Variants in NKAIN2 observed in about 807,000 individuals in gnomAD.
The protein encoded by NKAIN2 is sodium/potassium-transporting ATPase subunit beta-1-interacting protein 2.
NKAIN2 carries 14 observed loss-of-function variants against 32.6 expected under a neutral mutation model. The ratio of observed to expected loss-of-function variants is 0.43; its 90% confidence interval spans 0.28 to 0.67. The LOEUF (loss-of-function observed/expected upper bound fraction) is 0.67, where lower values mean the gene tolerates loss of function less well. Among genes scored for constraint, NKAIN2 ranks in the 30% least tolerant of loss-of-function variants. The pLI is 0.17. For missense variants in NKAIN2, 198 were observed against 258.3 expected (o/e 0.77, Z 1.60); for synonymous variants, 80 against 87.2 (o/e 0.92, Z 0.46).
intron 4 of NKAIN2, among the ~76,000 whole-genome samples, chr6:124,734,089 AC>A (rs1776820208): frequency 6.6e-6 from 1 of 151,362 alleles, no homozygotes. Context: ...ACACACACAC[AC>A]ACAATGATGG....
intron 1 of NKAIN2, among the ~76,000 whole-genome samples, chr6:123,884,157 T>C (rs1222984831): frequency 2.0e-5 from 3 of 152,044 alleles, no homozygotes; most frequent in African/African-American, 7.2e-5. Context: ...TTTCCCTCTA[T>C]GTGTCCATGT....
chr6:123,985,051 G>T (rs932312154), intron 1 of NKAIN2, among the ~76,000 whole-genome samples: 1 of 152,028 alleles, frequency 6.6e-6, no homozygotes, highest in African/African-American at 2.4e-5. Context: ...AAACGTACAG[G>T]TGAGCAATGA....
intron 4 of NKAIN2, among the ~76,000 whole-genome samples, chr6:124,730,993 A>T (rs1776636886): frequency 1.4e-5 from 2 of 142,118 alleles, no homozygotes; most frequent in Non-Finnish European, 3.1e-5. Context: ...GAGAAATGCA[A>T]ATCAAAACCA....
intron 3 of NKAIN2, among the ~76,000 whole-genome samples, chr6:124,538,975 A>G (rs751683833): frequency 1.2e-4 from 18 of 152,098 alleles, no homozygotes; most frequent in Non-Finnish European, 1.8e-4. Context: ...TCCTTCATCT[A>G]TCACATCAAA....
chr6:124,287,128 C>T (rs1361189894), intron 2 of NKAIN2, among the ~76,000 whole-genome samples: 1 of 152,182 alleles, frequency 6.6e-6, no homozygotes, highest in African/African-American at 2.4e-5. Flanking sequence ...TATCTTATTA[C>T]AGTTAACTCT....
intron 1 of NKAIN2, among the ~76,000 whole-genome samples, chr6:124,000,465 G>T (rs1779833112): frequency 6.6e-6 from 1 of 152,022 alleles, no homozygotes; most frequent in South Asian, 2.1e-4. Flanking sequence ...GTAAGAGTTT[G>T]AGAACTAACC....
chr6:123,899,024 A>T (rs1774428728), intron 1 of NKAIN2, among the ~76,000 whole-genome samples: 1 of 152,210 alleles, frequency 6.6e-6, no homozygotes, highest in Non-Finnish European at 1.5e-5. Flanking sequence ...ATGTGCACAG[A>T]GGTGGGTCAA....
At chr6:123,898,200 G>A (rs776298940) in intron 1 of NKAIN2, among the ~76,000 whole-genome samples, 23 of 152,156 alleles carry the variant, frequency 1.5e-4, no homozygotes, top group Non-Finnish European at 2.9e-4. Flanking sequence ...TTCCTTCACA[G>A]CCATATCATC....
chr6:124,134,300 A>G (rs116625294), intron 1 of NKAIN2, among the ~76,000 whole-genome samples: 1,670 of 152,256 alleles, frequency 0.011, 36 homozygotes, highest in African/African-American at 0.037. Context: ...AGAACTTCAG[A>G]GCTTGAAGAC....
chr6:124,731,842 A>T (rs886071610), intron 4 of NKAIN2, among the ~76,000 whole-genome samples: 2 of 152,112 alleles, frequency 1.3e-5, no homozygotes, highest in Non-Finnish European at 2.9e-5. Context: ...TCTACATAAC[A>T]ATCTAAATAT....
At chr6:124,207,569 T>C (rs1790958619) in intron 1 of NKAIN2, among the ~76,000 whole-genome samples, 1 of 151,626 alleles carries the variant, frequency 6.6e-6, no homozygotes, top group South Asian at 2.1e-4. Flanking sequence ...GGCAGGTCTT[T>C]TTGTTTAAAT....
chr6:124,109,624 G>T (rs1785278178), intron 1 of NKAIN2, among the ~76,000 whole-genome samples: 1 of 151,964 alleles, frequency 6.6e-6, no homozygotes, highest in Admixed American at 6.6e-5. Flanking sequence ...CAGTTGCTCT[G>T]GAGAGAACTT....
At chr6:124,073,711 C>T in intron 1 of NKAIN2, among the ~76,000 whole-genome samples, 1 of 151,966 alleles carries the variant, frequency 6.6e-6, no homozygotes, top group Non-Finnish European at 1.5e-5. Context: ...AAGACAAATC[C>T]CTCTGAACCT....
Position 124,365,951 on chromosome 6 carries a change from T to TA in NKAIN2, c.273+10614dup, listed in dbSNP as rs562347896. On this transcript the variant is annotated intron_variant, in intron 3 of 6. Transcript: ENST00000368417. ...AACTCAATAAAAATGAATTTATTGC[T>TA]AAAAAAAAAACTTGGTGGTGTGAAA... Among the ~76,000 whole-genome samples, 203 of 147,442 alleles carry TA rather than the reference T, an allele frequency of 1.4e-3. 1 individual carries two copies. The highest frequency in any genetic ancestry group is 3.7e-3 in the African/African-American group (151 of 40,362).
intron 1 of NKAIN2, among the ~76,000 whole-genome samples, chr6:124,023,655 T>C (rs1780973857): frequency 3.9e-5 from 6 of 152,212 alleles, no homozygotes. Context: ...TAGAGGACTT[T>C]TCCTTATTGC....
chr6:124,323,852 A>G (rs886763093), intron 2 of NKAIN2, among the ~76,000 whole-genome samples: 12 of 146,534 alleles, frequency 8.2e-5, no homozygotes, highest in Non-Finnish European at 1.6e-4. Context: ...CAGTGGCACA[A>G]TCTCGGCTCA....
chr6:123,934,812 A>G (rs1776424888), intron 1 of NKAIN2, among the ~76,000 whole-genome samples: 2 of 152,006 alleles, frequency 1.3e-5, no homozygotes, highest in Admixed American at 1.3e-4. Flanking sequence ...AAATAAAATT[A>G]GTAAAATTCA....
intron 3 of NKAIN2, among the ~76,000 whole-genome samples, chr6:124,622,251 C>G (rs1485826120): frequency 6.6e-6 from 1 of 152,152 alleles, no homozygotes. Context: ...TTCTCTTCTT[C>G]CGGTTTTTAT....
intron 1 of NKAIN2, among the ~76,000 whole-genome samples, chr6:123,961,887 A>G (rs1188873138): frequency 6.6e-6 from 1 of 152,206 alleles, no homozygotes; most frequent in Admixed American, 6.5e-5. Flanking sequence ...GAAATATCAG[A>G]GATAAATTTA....
Sources: gnomAD v4.1 joint callset for allele counts (sites outside exome capture counted in the v4.1 genomes callset) on GRCh38, gnomAD v4.1.1 for gene constraint, MANE v1.5 for transcripts, NCBI Gene and HGNC (gene_info 2026-07-23, HGNC 2026-07-21) for gene names.